Variants in RGL3 observed in about 807,000 individuals in gnomAD.
RGL3 encodes the protein ral guanine nucleotide dissociation stimulator like 3.
Under a neutral mutation model 90.6 loss-of-function variants are expected in RGL3, and 85 were observed. That is an observed-to-expected ratio of 0.94 (90% CI 0.79 to 1.12). RGL3 has a LOEUF of 1.12. RGL3 is among the 50% of genes most tolerant of loss of function. The pLI is 0.00. For synonymous variants in RGL3, 408 were observed against 385.5 expected (o/e 1.06, Z -0.68); for missense variants, 1,034 against 939.2 (o/e 1.10, Z -1.32).
chr19:11,405,539 TGAGA>T, intron 7 of RGL3, 113 bp from the exon 8 acceptor site: 1 of 815,896 alleles, frequency 1.2e-6, no homozygotes, highest in Non-Finnish European at 1.8e-6. Flanking sequence ...TTTTTTTTTT[TGAGA>T]GATAGGGTCT....
chr19:11,409,894 C>G (rs1568339962), intron 5 of RGL3, among the ~76,000 whole-genome samples: 1 of 152,072 alleles, frequency 6.6e-6, no homozygotes, highest in Admixed American at 6.6e-5. Flanking sequence ...GTTACTCTCA[C>G]TTTCCTTCTC....
Position 11,406,717 on chromosome 19 carries a change from C to T in RGL3, c.780+5G>A, listed in dbSNP as rs746470669. The T allele has an allele frequency of 6.2e-7, 1 of 1,613,642 alleles. No individual in the cohort carries two copies. The highest frequency in any genetic ancestry group is 1.3e-5 in the African/African-American group (1 of 74,918). On this transcript the variant is annotated splice_donor_5th_base_variant and intron_variant, in intron 6 of 18. Transcript: ENST00000380456. ...GCTCATCCCGACCCTGTCCGGGATC[C>T]TCACCAAGTCTATGAGGGTCAGCTG...
chr19:11,417,299 C>A (rs1969020603), intron 2 of RGL3, among the ~76,000 whole-genome samples: 1 of 151,594 alleles, frequency 6.6e-6, no homozygotes. Flanking sequence ...TACAGGCGCA[C>A]ACCACCAAGC....
At chr19:11,419,188 G>C in intron 1 of RGL3, 58 bp downstream of exon 1, 1 of 1,568,308 alleles carries the variant, frequency 6.4e-7, no homozygotes, top group Non-Finnish European at 8.7e-7. Flanking sequence ...GGCGCTTGGA[G>C]TTTCTGGACC....
intron 16 of RGL3, 128 bp from the exon 17 acceptor site, chr19:11,397,725 T>C (rs1968603345): frequency 3.9e-6 from 4 of 1,021,068 alleles, no homozygotes; most frequent in African/African-American, 3.3e-5. Context: ...CAAGAAAACA[T>C]TGGCTGGGCG....
intron 7 of RGL3, 75 bp from the exon 8 acceptor site, chr19:11,405,501 T>A: frequency 2.6e-6 from 1 of 377,612 alleles, no homozygotes; most frequent in South Asian, 6.0e-5. Flanking sequence ...CATCTTTTTT[T>A]TTTTTTTTTT....
At chr19:11,419,104 G>T in intron 1 of RGL3, 142 bp downstream of exon 1, 2 of 900,530 alleles carry the variant, frequency 2.2e-6, no homozygotes, top group Non-Finnish European at 3.3e-6. Flanking sequence ...GCTTCACTGG[G>T]TCAAGGGCCG....
At chr19:11,407,688 C>CT (rs773809188) in intron 5 of RGL3, among the ~76,000 whole-genome samples, 3,797 of 137,882 alleles carry the variant, frequency 0.028, 160 homozygotes, top group African/African-American at 0.088. Context: ...CTCTCTGTGC[C>CT]TTTTTTTTTT....
At chr19:11,406,136 G>T (rs1968773807) in intron 7 of RGL3, among the ~76,000 whole-genome samples, 1 of 151,792 alleles carries the variant, frequency 6.6e-6, no homozygotes. Context: ...CCTCCCTCGG[G>T]CTCCAGCCCC....
intron 16 of RGL3, among the ~76,000 whole-genome samples, chr19:11,398,699 G>C (rs903314466): frequency 6.7e-6 from 1 of 149,782 alleles, no homozygotes; most frequent in Middle Eastern, 3.5e-3. Flanking sequence ...AGGGAGCCTC[G>C]CTCTGTCACC....
At chr19:11,399,433 T>C (rs1464141421) in intron 16 of RGL3, among the ~76,000 whole-genome samples, 1 of 152,018 alleles carries the variant, frequency 6.6e-6, no homozygotes, top group African/African-American at 2.4e-5. Flanking sequence ...GGCATGGTGG[T>C]GCACACCTGT....
chr19:11,398,803 T>G (rs1256390793), intron 16 of RGL3, among the ~76,000 whole-genome samples: 1 of 152,198 alleles, frequency 6.6e-6, no homozygotes, highest in African/African-American at 2.4e-5. Context: ...CCCAAGTAGC[T>G]GGGACTACAG....
chr19:11,418,751 C>T lies in RGL3; in HGVS notation c.67G>A (p.Asp23Asn). The T allele has an allele frequency of 6.4e-7, 1 of 1,573,294 alleles. No individual in the cohort carries two copies. The highest frequency in any genetic ancestry group is 8.6e-7 in the Non-Finnish European group (1 of 1,163,456). The stretch of plus-strand genomic sequence containing the variant: ...AGGGAGACACTGTACACCGCGCCGT[C>T]CTCGGTCTCTTCACCCCAGTCCTGC... ...PLQDWGEETEDGAVYSVSLRR... is the reference protein window; with the variant it reads ...PLQDWGEETENGAVYSVSLRR... The change falls in exon 2 of 19, where the codon GAC (aspartate) becomes AAC (asparagine). Residue 23 changes from aspartate (D) to asparagine (N), a missense_variant. Transcript: ENST00000380456.
rs556428754 is a variant in RGL3 at position 11,418,140 on chromosome 19, C to T, written c.147+531G>A. Among the ~76,000 whole-genome samples the T allele has an allele frequency of 1.7e-3, 261 of 151,894 alleles. 1 individual carries two copies. The highest frequency in any genetic ancestry group is 5.9e-3 in the African/African-American group (245 of 41,438). ...CCCGCTTGAAGTTATTGTTCCTCCC[C>T]ATCCACAAATAGCTCCTGCAACTTG... On this transcript the variant is annotated intron_variant, in intron 2 of 18. Coordinates refer to ENST00000380456, the MANE Select transcript of RGL3 (RefSeq NM_001035223.4).
intron 9 of RGL3, 139 bp from the exon 10 acceptor site, chr19:11,402,845 C>A: frequency 2.8e-6 from 2 of 704,738 alleles, no homozygotes; most frequent in Non-Finnish European, 4.7e-6. Flanking sequence ...CGATGGCTCA[C>A]GCCTGTAATC....
Position 11,397,593 on chromosome 19 carries a change from G to A in RGL3, c.1751C>T (p.Pro584Leu), listed in dbSNP as rs557601517. 6.5e-7 allele frequency: 1 copy of A among 1,549,420 alleles called. No individual in the cohort carries two copies. Among genetic ancestry groups the A allele is most frequent in the Admixed American group, 2.0e-5 (1 of 50,382 alleles). Reference sequence around the variant, plus strand: ...GGGGCTGGGCAGGTCCAGGCTCAGGGGCAGCTGCAGGCAGTAAGGGGTGGA... The same window carrying A: ...GGGGCTGGGCAGGTCCAGGCTCAGGAGCAGCTGCAGGCAGTAAGGGGTGGA... ...PGPQGPSTKL[P>L]LSLDLPSPRP... Residue 584 changes from proline (P) to leucine (L), a missense_variant, in exon 17 of 19, where the codon CCC becomes CTC. Physicochemically the swap from Pro to Leu is moderately conservative, Grantham distance 98. Coordinates refer to ENST00000380456, the MANE Select transcript of RGL3 (RefSeq NM_001035223.4).
chr19:11,395,437 G>A (rs147238444), intron 18 of RGL3, among the ~76,000 whole-genome samples: 3 of 152,204 alleles, frequency 2.0e-5, no homozygotes, highest in Non-Finnish European at 4.4e-5. Context: ...CTATCCATTT[G>A]CCTCTCTCCC....
Position 11,400,254 on chromosome 19 carries a change from G to A in RGL3, c.1528C>T (p.Pro510Ser), listed in dbSNP as rs766777295. 123 of 1,601,468 alleles carry A rather than the reference G, an allele frequency of 7.7e-5. No individual in the cohort carries two copies. Among genetic ancestry groups the A allele is most frequent in the Non-Finnish European group, 9.4e-5 (110 of 1,173,628 alleles). Reference protein sequence around the residue: ...RVIEPPAASCPSSPRIRRRIS... With the variant: ...RVIEPPAASCSSSPRIRRRIS... ...CGCCGTCGGATGCGTGGGGAGCTGGGGCAGGAGGCAGCTGGTGGCTCAATG... is the reference window on the plus strand; with the variant it reads ...CGCCGTCGGATGCGTGGGGAGCTGGAGCAGGAGGCAGCTGGTGGCTCAATG... The change falls in exon 14 of 19, where the codon CCC becomes TCC. Residue 510 changes from proline (P) to serine (S), a missense_variant. By Grantham distance (74) the Pro-to-Ser change is moderately conservative. Transcript: ENST00000380456.
intron 18 of RGL3, among the ~76,000 whole-genome samples, chr19:11,396,243 C>T (rs1459699926): frequency 1.4e-5 from 2 of 139,228 alleles, no homozygotes; most frequent in Non-Finnish European, 3.0e-5. Flanking sequence ...TCTCGGCTCA[C>T]TGCAACCTCC....
Sources: allele counts gnomAD v4.1 joint callset (sites outside exome capture counted in the v4.1 genomes callset), GRCh38; gene constraint gnomAD v4.1.1; transcripts MANE v1.5; gene names NCBI Gene and HGNC (gene_info 2026-07-23, HGNC 2026-07-21).